Variants in NFATC4 observed in about 807,000 individuals in gnomAD.
NFATC4 encodes nuclear factor of activated T-cells, cytoplasmic 4.
NFATC4 carries 25 observed loss-of-function variants against 73.4 expected under a neutral mutation model. The ratio of observed to expected loss-of-function variants is 0.34; its 90% CI spans 0.25 to 0.48. The LOEUF (loss-of-function observed/expected upper bound fraction) is 0.48, where lower values mean the gene tolerates loss of function less well. NFATC4 is among the 20% of genes least tolerant of loss of function. The probability of loss-of-function intolerance (pLI) is 0.99; values close to 1 mark genes in which losing one functional copy is unlikely to be tolerated. For missense variants in NFATC4, 1,130 were observed against 1,203.7 expected (o/e 0.94, Z 0.91); for synonymous variants, 523 against 510.3 (o/e 1.02, Z -0.34).
Position 24,369,831 on chromosome 14 carries a change from G to T in NFATC4, c.433G>T (p.Asp145Tyr). The change falls in exon 2 of 10, where the codon GAT (aspartate) becomes TAT (tyrosine). Residue 145 changes from aspartate (D) to tyrosine (Y), a missense_variant. Asp to Tyr is a radical substitution (Grantham distance 160). Around this residue, in one of 3 missense-constraint regions of NFATC4, gnomAD observed 585 missense variants for 574.3 expected, o/e 1.02. Transcript: ENST00000250373. ...TGCCTGGGGGGACGGCTCTCCTAGA[G>T]ATTACCCCCCACCAGAAGGCTTTGG... Reference protein sequence around the residue: ...PDAWGDGSPRDYPPPEGFGGY... With the variant: ...PDAWGDGSPRYYPPPEGFGGY... The T allele has an allele frequency of 6.2e-7, 1 of 1,604,578 alleles. No individual in the cohort carries two copies. Among genetic ancestry groups the T allele is most frequent in the Non-Finnish European group, 8.5e-7 (1 of 1,175,828 alleles).
At chr14:24,367,607 T>C (rs1219181561), upstream of NFATC4, 7 of 1,536,014 alleles carry the variant, frequency 4.6e-6, no homozygotes, top group East Asian at 4.9e-5. Context: ...GAGGCGCTGA[T>C]TCGGCAGCGC....
chr14:24,368,230 A>G lies in NFATC4; in HGVS notation c.-111A>G. The G allele has an allele frequency of 7.6e-7, 1 of 1,307,262 alleles. No homozygotes were observed. The allele number at this position is 1,307,262 out of a possible 1,614,324, so 81.0% of individuals were successfully genotyped here. A position where few individuals can be genotyped will look rare whatever the true frequency, so the allele number is the denominator to read the frequency against. Reference sequence around the variant, plus strand: ...TGGAGGGAGGCGGCAGCGACGGAGGAGGGGGCTTCTCAGAGAAAGGGAGGG... The same window carrying G: ...TGGAGGGAGGCGGCAGCGACGGAGGGGGGGGCTTCTCAGAGAAAGGGAGGG... On this transcript the variant is annotated 5_prime_UTR_variant, in exon 1 of 10. Transcript: ENST00000250373.
intron 1 of NFATC4, 141 bp downstream of exon 1, chr14:24,368,581 C>G: frequency 1.4e-6 from 1 of 707,152 alleles, no homozygotes; most frequent in Non-Finnish European, 1.7e-6. Context: ...ACTCGTTGGC[C>G]TGCGGAAGTG....
At chr14:24,371,646 A>T (rs2042474349) in intron 2 of NFATC4, 1 of 152,410 alleles carries the variant, frequency 6.6e-6, no homozygotes, top group Non-Finnish European at 1.5e-5. Context: ...GAATGTGCTC[A>T]GTCCTAGGTC....
chr14:24,368,995 T>G (rs1180942272), intron 1 of NFATC4: 4 of 1,145,916 alleles, frequency 3.5e-6, no homozygotes, highest in Non-Finnish European at 4.4e-6. Flanking sequence ...CCCCCTCGGC[T>G]GCACCTCCGC....
At chr14:24,374,934 T>G (rs1359220669) in intron 6 of NFATC4, among the ~76,000 whole-genome samples, 9 of 151,602 alleles carry the variant, frequency 5.9e-5, no homozygotes, top group African/African-American at 2.2e-4. Context: ...CTCCAAACGC[T>G]GCTCACCAAG....
intron 2 of NFATC4, 80 bp from the exon 3 acceptor site, chr14:24,372,361 C>T: frequency 1.4e-6 from 2 of 1,446,454 alleles, no homozygotes; most frequent in Non-Finnish European, 1.9e-6. Flanking sequence ...GACCCATACC[C>T]CCTCCTCCCT....
Position 24,377,764 on chromosome 14 carries a change from C to T in NFATC4, c.*59C>T. On this transcript the variant is annotated 3_prime_UTR_variant, in exon 10 of 10. Coordinates refer to ENST00000250373, the MANE Select transcript of NFATC4 (RefSeq NM_004554.5). This position sits in a 1 kb window ranked among gnomAD's most constrained non-coding sequence, Gnocchi z 4.2. The stretch of plus-strand genomic sequence containing the variant: ...CCCCAGCCTCAGCCCTGCCCCCTTT[C>T]CCTCCTTCCTGGAGTGGTGGCTACA... The T allele has an allele frequency of 6.2e-7, 1 of 1,613,366 alleles. No homozygotes were observed. Among genetic ancestry groups the T allele is most frequent in the Non-Finnish European group, 8.5e-7 (1 of 1,179,596 alleles).
At position 24,369,551 on chromosome 14, in the gene NFATC4, C is replaced by G; in HGVS notation, c.153C>G (p.Pro51=). 1.2e-6 allele frequency: 2 copies of G among 1,610,180 alleles called. No homozygotes were observed. Among genetic ancestry groups the G allele is most frequent in the Non-Finnish European group, 1.7e-6 (2 of 1,177,358 alleles). The change falls in exon 2 of 10, where the codon CCC becomes CCG. Residue 51 remains proline, a synonymous_variant. Transcript: ENST00000250373. ...PPCCRLALGE[P]PPYGAAPIGI... ...GCTGCCGTCTGGCCTTGGGAGAGCC[C>G]CCTCCCTATGGCGCTGCACCTATCG...
At position 24,373,383 on chromosome 14, in the gene NFATC4, C is replaced by A. The variant is rs2042524728; in HGVS notation, c.1559+13C>A. 3 of 1,613,244 alleles carry A rather than the reference C, an allele frequency of 1.9e-6. No homozygotes were observed. Among genetic ancestry groups the A allele is most frequent in the Non-Finnish European group, 2.5e-6 (3 of 1,179,884 alleles). On this transcript the variant is annotated intron_variant, in intron 4 of 9. Coordinates refer to ENST00000250373, the MANE Select transcript of NFATC4 (RefSeq NM_004554.5). This position sits in a 1 kb window ranked among gnomAD's most constrained non-coding sequence, Gnocchi z 4.7. ...ACATGGCGGCCAAGTAAGTCCCATG[C>A]AACTTCCCCTCAGTCCGCAGGCTTT... is the stretch of plus-strand genomic sequence containing the variant.
At chr14:24,369,314 T>A in intron 1 of NFATC4, 185 bp from the exon 2 acceptor site, 2 of 1,585,778 alleles carry the variant, frequency 1.3e-6, no homozygotes, top group Non-Finnish European at 1.7e-6. Context: ...AGGCCTGGCA[T>A]GCCTGCTTCA....
At position 24,377,411 on chromosome 14, in the gene NFATC4, T is replaced by G; in HGVS notation, c.2642-227T>G. The G allele has an allele frequency of 7.1e-7, 1 of 1,415,502 alleles. No homozygotes were observed. 87.7% of individuals were successfully genotyped at this position (1,415,502 alleles called of 1,614,324 possible). On this transcript the variant is annotated intron_variant, in intron 9 of 9. Transcript: ENST00000250373. This position sits in a 1 kb window ranked among gnomAD's most constrained non-coding sequence, Gnocchi z 4.2. ...TCAGGCTAAGCCAGCAGGAAAGGGC[T>G]AGGACGGGTGCCTGGGAGCCCACAT... is the stretch of plus-strand genomic sequence containing the variant.
chr14:24,375,827 G>C, intron 7 of NFATC4, 112 bp downstream of exon 7: 1 of 1,538,940 alleles, frequency 6.5e-7, no homozygotes, highest in East Asian at 2.3e-5. Flanking sequence ...AGGGAGACTG[G>C]CCATTCTGTA....
At chr14:24,372,678 T>G in intron 3 of NFATC4, 75 bp downstream of exon 3, 1 of 1,571,032 alleles carries the variant, frequency 6.4e-7, no homozygotes, top group Non-Finnish European at 8.7e-7. Flanking sequence ...CACATGGCAC[T>G]GCCCTTTCCC....
At chr14:24,367,278 C>T, upstream of NFATC4, 3 of 1,586,584 alleles carry the variant, frequency 1.9e-6, no homozygotes, top group Non-Finnish European at 2.6e-6. Flanking sequence ...GGGGAACCCA[C>T]AGGGTCCGGA....
intron 1 of NFATC4, chr14:24,369,184 C>A: frequency 6.6e-7 from 1 of 1,512,728 alleles, no homozygotes; most frequent in Non-Finnish European, 8.8e-7. Flanking sequence ...CAGCCCAGTG[C>A]CTCAAGAAAC....
upstream of NFATC4, chr14:24,367,089 G>A: frequency 6.2e-7 from 1 of 1,613,864 alleles, no homozygotes; most frequent in South Asian, 1.1e-5. Flanking sequence ...CTACCCGCCA[G>A]CCTCGCCAGT....
At position 24,374,351 on chromosome 14, in the gene NFATC4, C is replaced by G. The variant is rs2042555944; in HGVS notation, c.1758C>G (p.Pro586=). Residue 586 remains proline, a synonymous_variant, in exon 6 of 10, where the codon CCC becomes CCG. Coordinates refer to ENST00000250373, the MANE Select transcript of NFATC4 (RefSeq NM_004554.5). Reference sequence around the variant, plus strand: ...CCCAGCGCTCAGCCCAGGAGCTGCCCCAGGTGGAGGCCTACAGCCCCAGTG... The same window carrying G: ...CCCAGCGCTCAGCCCAGGAGCTGCCGCAGGTGGAGGCCTACAGCCCCAGTG... ...ECSQRSAQEL[P]QVEAYSPSAC... 6.2e-7 allele frequency: 1 copy of G among 1,613,382 alleles called. No homozygotes were observed. The highest frequency in any genetic ancestry group is 1.1e-5 in the South Asian group (1 of 90,976).
rs144027275 is a variant in NFATC4 at position 24,376,492 on chromosome 14, C to A, written c.2255C>A (p.Thr752Lys). The A allele has an allele frequency of 1.5e-5, 25 of 1,613,600 alleles. No homozygotes were observed. The highest frequency in any genetic ancestry group is 1.9e-5 in the Non-Finnish European group (23 of 1,179,738). ...GYGMPPLYPQ[T>K]GPPPSYRPGL... The stretch of plus-strand genomic sequence containing the variant: ...GGCATGCCCCCTCTGTACCCCCAGA[C>A]GGGGCCCCCACCATCCTACAGACCG... The change falls in exon 9 of 10, where the codon ACG (threonine) becomes AAG (lysine). Residue 752 changes from threonine (T) to lysine (K), a missense_variant. Thr to Lys is a moderately conservative substitution (Grantham distance 78). Around this residue, in one of 3 missense-constraint regions of NFATC4, gnomAD observed 390 missense variants for 408.1 expected, o/e 0.96. Transcript: ENST00000250373. The surrounding 1 kb of genome is among the most constrained non-coding windows in gnomAD (Gnocchi z 5.0).
Sources: allele counts gnomAD v4.1 joint callset (sites outside exome capture counted in the v4.1 genomes callset), GRCh38; gene constraint gnomAD v4.1.1; regional missense constraint gnomAD v4.1.1; non-coding constraint Gnocchi (gnomAD v3.1); transcripts MANE v1.5; gene names NCBI Gene and HGNC (gene_info 2026-07-23, HGNC 2026-07-21).